The following ACOXL variants were observed in gnomAD, a reference collection of about 807,000 sequenced individuals.
ACOXL encodes acyl-coenzyme A oxidase-like protein.
A neutral mutation model predicts 71.9 loss-of-function variants in ACOXL; 70 were observed. The ratio of observed to expected loss-of-function variants is 0.97; its 90% CI spans 0.80 to 1.19. The LOEUF (loss-of-function observed/expected upper bound fraction) is 1.19. Ranked by LOEUF, ACOXL falls within the 50% of genes most tolerant of loss-of-function variation. The pLI is 0.00. For missense variants in ACOXL, 703 were observed against 736.3 expected (o/e 0.95, Z 0.52); for synonymous variants, 253 against 281.6 (o/e 0.90, Z 1.02).
intron 17 of ACOXL, chr2:111,099,942 T>C (rs2069030084): frequency 6.6e-6 from 1 of 152,236 alleles, no homozygotes; most frequent in Non-Finnish European, 1.5e-5. Context: ...AGAATTTTAA[T>C]GCAAATGGCT....
chr2:110,848,825 G>A (rs1034649202), intron 10 of ACOXL, among the ~76,000 whole-genome samples: 13 of 152,164 alleles, frequency 8.5e-5, no homozygotes, highest in African/African-American at 2.7e-4. Context: ...AGGATCTTTC[G>A]CAAACACAGA....
intron 1 of ACOXL, among the ~76,000 whole-genome samples, chr2:110,755,489 T>C (rs1384469796): frequency 6.6e-6 from 1 of 152,232 alleles, no homozygotes; most frequent in East Asian, 1.9e-4. Context: ...CAACTATGCA[T>C]GTTGCTTAGG....
intron 3 of ACOXL, among the ~76,000 whole-genome samples, chr2:110,786,422 C>T (rs961237457): frequency 6.6e-6 from 1 of 152,244 alleles, no homozygotes; most frequent in Non-Finnish European, 1.5e-5. Context: ...CAGGCACGAT[C>T]TCTTCCCTCT....
At chr2:110,876,640 A>G (rs1190930541) in intron 10 of ACOXL, among the ~76,000 whole-genome samples, 1 of 152,212 alleles carries the variant, frequency 6.6e-6, no homozygotes, top group Non-Finnish European at 1.5e-5. Flanking sequence ...AGGAGTCAGG[A>G]CAGAGTAATG....
intron 2 of ACOXL, among the ~76,000 whole-genome samples, chr2:110,774,655 T>C (rs1300783395): frequency 6.6e-6 from 1 of 152,138 alleles, no homozygotes; most frequent in Admixed American, 6.5e-5. Context: ...ACAAAATTGC[T>C]GAAAGTAATA....
intron 10 of ACOXL, among the ~76,000 whole-genome samples, chr2:110,860,676 G>A (rs542750131): frequency 1.3e-5 from 2 of 152,324 alleles, no homozygotes; most frequent in African/African-American, 4.8e-5. Context: ...GTACCCAAGA[G>A]CCTTCCTTTC....
At chr2:110,872,692 G>A (rs1057161569) in intron 10 of ACOXL, among the ~76,000 whole-genome samples, 1 of 152,228 alleles carries the variant, frequency 6.6e-6, no homozygotes, top group East Asian at 1.9e-4. Context: ...GTGGCCGGCC[G>A]CCCTCTGCAT....
intron 5 of ACOXL, 137 bp from the exon 6 acceptor site, chr2:110,798,473 G>C (rs544302324): frequency 1.1e-5 from 7 of 623,136 alleles, no homozygotes; most frequent in South Asian, 5.3e-5. Flanking sequence ...AGCCAGGATG[G>C]TCTCGATCTC....
intron 9 of ACOXL, among the ~76,000 whole-genome samples, chr2:110,839,825 C>T (rs1399296254): frequency 6.6e-6 from 1 of 152,192 alleles, no homozygotes; most frequent in East Asian, 1.9e-4. Context: ...TCATCTTGCA[C>T]CACCTGGGAC....
At chr2:110,811,108 T>C (rs1215797415) in intron 9 of ACOXL, among the ~76,000 whole-genome samples, 1 of 152,130 alleles carries the variant, frequency 6.6e-6, no homozygotes, top group African/African-American at 2.4e-5. Context: ...AAGATGAGAT[T>C]TGGGGGGAAC....
intron 9 of ACOXL, among the ~76,000 whole-genome samples, chr2:110,807,061 C>T (rs1039510038): frequency 2.6e-5 from 4 of 152,160 alleles, no homozygotes; most frequent in African/African-American, 7.2e-5. Flanking sequence ...GGACCAGCCC[C>T]TGCCAGGCCC....
intron 2 of ACOXL, 87 bp from the exon 3 acceptor site, chr2:110,784,645 G>C: frequency 2.1e-6 from 2 of 972,826 alleles, no homozygotes; most frequent in Non-Finnish European, 3.0e-6. Context: ...TATTATAAAA[G>C]TAACATGCAT....
At chr2:110,827,892 C>G (rs1409784200) in intron 9 of ACOXL, among the ~76,000 whole-genome samples, 1 of 152,168 alleles carries the variant, frequency 6.6e-6, no homozygotes, top group Admixed American at 6.5e-5. Flanking sequence ...TCTCATATTG[C>G]TAAATAATCT....
At position 111,117,970 on chromosome 2, in the gene ACOXL, C is replaced by G. The variant is rs2070474616; in HGVS notation, c.*154C>G. The G allele has an allele frequency of 1.8e-5, 16 of 881,760 alleles. No individual in the cohort carries two copies. In the South Asian group the frequency reaches 2.8e-4, roughly 16 times the overall value. 54.6% of individuals were successfully genotyped at this position (881,760 alleles called of 1,614,324 possible). ...AAAGCGGAGGTCCCGCCGAGGCTGG[C>G]GAGGTGCGCGGCTGGCTGCTAGGAA... On this transcript the variant is annotated 3_prime_UTR_variant, in exon 18 of 18. Transcript: ENST00000439055.
At chr2:111,061,276 A>C (rs2066799873) in intron 16 of ACOXL, among the ~76,000 whole-genome samples, 1 of 152,214 alleles carries the variant, frequency 6.6e-6, no homozygotes, top group Non-Finnish European at 1.5e-5. Context: ...TGAGAGAAAC[A>C]ACATTTTATC....
intron 1 of ACOXL, among the ~76,000 whole-genome samples, chr2:110,759,301 G>T (rs1409803587): frequency 1.3e-5 from 2 of 152,192 alleles, no homozygotes; most frequent in African/African-American, 2.4e-5. Context: ...GTATTATTGT[G>T]TGAGAGTCTA....
At chr2:110,914,076 C>A (rs2059749357) in intron 11 of ACOXL, among the ~76,000 whole-genome samples, 1 of 152,042 alleles carries the variant, frequency 6.6e-6, no homozygotes, top group Non-Finnish European at 1.5e-5. Flanking sequence ...AATTAGATGG[C>A]AATGGTTGCA....
Position 110,987,222 on chromosome 2 carries a change from G to A in ACOXL, c.1169+5G>A, listed in dbSNP as rs781354467. ...GGGGGACAAGCTGAGAACCAGGTAC[G>A]TATTACTCAGGCCATCATCATCTGC... is the stretch of plus-strand genomic sequence containing the variant. On this transcript the variant is annotated splice_donor_5th_base_variant and intron_variant, in intron 13 of 17. Coordinates refer to ENST00000439055, the MANE Select transcript of ACOXL (RefSeq NM_001142807.4). 8.3e-6 allele frequency: 13 copies of A among 1,563,372 alleles called. 1 individual carries two copies. The highest frequency in any genetic ancestry group is 5.6e-5 in the Admixed American group (3 of 53,102).
At chr2:110,989,509 G>A (rs544534216) in intron 13 of ACOXL, among the ~76,000 whole-genome samples, 149 of 152,278 alleles carry the variant, frequency 9.8e-4, no homozygotes, top group African/African-American at 3.4e-3. Flanking sequence ...TTTCTTAGAA[G>A]TAAAACAAAG....
Sources: allele counts gnomAD v4.1 joint callset (sites outside exome capture counted in the v4.1 genomes callset), GRCh38; gene constraint gnomAD v4.1.1; transcripts MANE v1.5; gene names NCBI Gene and HGNC (gene_info 2026-07-23, HGNC 2026-07-21).